Variants in KLHL30 observed in about 807,000 individuals in gnomAD.
KLHL30 encodes kelch like family member 30.
Under a neutral mutation model 55.0 loss-of-function variants are expected in KLHL30, and 55 were observed. That is an observed-to-expected ratio of 1.00 (90% CI 0.80 to 1.25). The LOEUF (loss-of-function observed/expected upper bound fraction) is 1.25. Ranked by LOEUF, KLHL30 falls within the 50% of genes most tolerant of loss-of-function variation. The probability of loss-of-function intolerance (pLI) is 0.00; values close to 1 mark genes in which losing one functional copy is unlikely to be tolerated. For missense variants in KLHL30, 786 were observed against 811.6 expected, an observed-to-expected ratio of 0.97 and a Z score of 0.38; for synonymous variants, 356 against 372.6, an observed-to-expected ratio of 0.96 and a Z score of 0.51.
chr2:238,143,577 C>T (rs532783342), intron 3 of KLHL30, among the ~76,000 whole-genome samples: 199 of 152,342 alleles, frequency 1.3e-3, no homozygotes, highest in African/African-American at 3.9e-3. Flanking sequence ...AGGCCCCCTG[C>T]GCTGGCCCCA....
intron 7 of KLHL30, 121 bp from the exon 8 acceptor site, chr2:238,150,693 A>T: frequency 8.7e-7 from 1 of 1,152,322 alleles, no homozygotes; most frequent in Non-Finnish European, 1.2e-6. Context: ...CATGCCCTGG[A>T]GGGGATCTGG....
chr2:238,150,535 C>T (rs751118445), intron 7 of KLHL30, among the ~76,000 whole-genome samples: 1 of 152,170 alleles, frequency 6.6e-6, no homozygotes, highest in African/African-American at 2.4e-5. Flanking sequence ...CGGACCTCCC[C>T]GGGAGGCCTC....
chr2:238,140,081 C>T (rs1473722008), intron 1 of KLHL30, among the ~76,000 whole-genome samples: 4 of 152,232 alleles, frequency 2.6e-5, no homozygotes, highest in Non-Finnish European at 5.9e-5. Flanking sequence ...AGCTCCACCA[C>T]TTCCTAAATG....
Position 238,143,235 on chromosome 2 carries a change from G to C in KLHL30, c.907+304G>C, listed in dbSNP as rs368850357. Among the ~76,000 whole-genome samples, 64 of 152,374 alleles carry C rather than the reference G, an allele frequency of 4.2e-4. 1 individual carries two copies. In the East Asian group the frequency reaches 0.012, roughly 28 times the overall value. ...CTCCACGGCCAAGACTGCACCCTGTGGGGTGGGCGGCCTGGCCGCTGCCTC... is the reference window on the plus strand; with the variant it reads ...CTCCACGGCCAAGACTGCACCCTGTCGGGTGGGCGGCCTGGCCGCTGCCTC... On this transcript the variant is annotated intron_variant, in intron 3 of 7. Transcript: ENST00000409223.
Position 238,141,077 on chromosome 2 carries a change from G to C in KLHL30, c.323G>C (p.Arg108Pro), listed in dbSNP as rs199604026. ...ITQGNVEALT[R>P]TAARLHFPSV... ...CAGGGCAACGTGGAGGCGCTGACAC[G>C]CACGGCTGCGCGCCTGCACTTCCCC... Residue 108 changes from arginine to proline, a missense_variant, in exon 2 of 8, where the codon CGC (arginine) becomes CCC (proline). Physicochemically the swap from Arg to Pro is moderately radical, Grantham distance 103. Transcript: ENST00000409223. 1.2e-6 allele frequency: 2 copies of C among 1,609,156 alleles called. No individual in the cohort carries two copies. Among genetic ancestry groups the C allele is most frequent in the Non-Finnish European group, 1.7e-6 (2 of 1,177,186 alleles).
Position 238,144,960 on chromosome 2 carries a change from G to A in KLHL30, c.966G>A (p.Ala322=), listed in dbSNP as rs765339660. Residue 322 remains alanine (A), a synonymous_variant, in exon 4 of 8, where the codon GCG becomes GCA. Transcript: ENST00000409223. ...ATCACAAGTGGGGTTTCTCCCTGGC[G>A]GCCCTGAACAACAACATCTATGTCA... ...PDYHKWGFSL[A]ALNNNIYVTG... 28 of 1,609,648 alleles carry A rather than the reference G, an allele frequency of 1.7e-5. No individual in the cohort carries two copies. The highest frequency in any genetic ancestry group is 4.5e-5 in the South Asian group (4 of 89,824).
rs145944413 is a variant in KLHL30, at chr2:238,152,202, C to T, written c.*1137C>T. ...CGGTCTCCCGCCGGATCCAGGCTTCCTCTCCAGGACCAGCCCCTGGGTTCC... is the reference window on the plus strand; with the variant it reads ...CGGTCTCCCGCCGGATCCAGGCTTCTTCTCCAGGACCAGCCCCTGGGTTCC... On this transcript the variant is annotated 3_prime_UTR_variant, in exon 8 of 8. Coordinates refer to ENST00000409223, the MANE Select transcript of KLHL30 (RefSeq NM_198582.4). The T allele has an allele frequency of 3.6e-4, 352 of 985,446 alleles. 6 individuals are homozygous for T. In the East Asian group the frequency reaches 0.029, roughly 81 times the overall value. The allele number at this position is 985,446 out of a possible 1,614,324, so 61.0% of individuals were successfully genotyped here.
At chr2:238,139,179 G>A (rs1692484442) in intron 1 of KLHL30, among the ~76,000 whole-genome samples, 1 of 152,182 alleles carries the variant, frequency 6.6e-6, no homozygotes, top group African/African-American at 2.4e-5. Context: ...CAGGCACCCC[G>A]AGGCCCCCAG....
chr2:238,147,818 C>T lies in KLHL30; in HGVS notation c.1151-16C>T, dbSNP rs780557058. 5 of 1,464,464 alleles carry T rather than the reference C, an allele frequency of 3.4e-6. No homozygotes were observed. The highest frequency in any genetic ancestry group is 1.8e-4 in the Middle Eastern group (1 of 5,420). The allele number at this position is 1,464,464 out of a possible 1,614,324, so 90.7% of individuals were successfully genotyped here. ...CTCCTCCCCAGCCCTGAACTGCCCC[C>T]GCCCTCACCCCACAGGCACCACCCT... On this transcript the variant is annotated splice_polypyrimidine_tract_variant and intron_variant, in intron 5 of 7. Coordinates refer to ENST00000409223, the MANE Select transcript of KLHL30 (RefSeq NM_198582.4). This position sits in a 1 kb window ranked among gnomAD's most constrained non-coding sequence, Gnocchi z 5.8.
Position 238,145,665 on chromosome 2 carries a change from T to C in KLHL30, c.995-12T>C. ...CTGGTGGCACCCATGTAGACAGAAC[T>C]TCTCCCGGCAGGTGGCTCTCGGGGC... On this transcript the variant is annotated splice_polypyrimidine_tract_variant and intron_variant, in intron 4 of 7. Transcript: ENST00000409223. 6.4e-7 allele frequency: 1 copy of C among 1,568,238 alleles called. No homozygotes were observed. The highest frequency in any genetic ancestry group is 8.6e-7 in the Non-Finnish European group (1 of 1,158,320).
At position 238,149,126 on chromosome 2, in the gene KLHL30, G is replaced by A. The variant is rs773304639; in HGVS notation, c.1459G>A (p.Asp487Asn). The change falls in exon 7 of 8, where the codon GAC (aspartate) becomes AAC (asparagine). Residue 487 changes from aspartate (D) to asparagine (N), a missense_variant. Transcript: ENST00000409223. The part of the protein sequence containing the change: ...GDNTKKVYVY[D>N]PGANLWQKVQ... ...CAACACCAAGAAGGTCTACGTGTAC[G>A]ACCCCGGGGCCAACCTGTGGCAGAA... is the stretch of plus-strand genomic sequence containing the variant. 103 of 1,612,820 alleles carry A rather than the reference G, an allele frequency of 6.4e-5. No homozygotes were observed. Among genetic ancestry groups the A allele is most frequent in the Non-Finnish European group, 6.4e-5 (76 of 1,179,834 alleles).
intron 2 of KLHL30, 147 bp downstream of exon 2, chr2:238,141,675 G>A: frequency 1.2e-6 from 1 of 854,214 alleles, no homozygotes; most frequent in Non-Finnish European, 1.7e-6. Context: ...AGTTCCCCAT[G>A]AGGACATCAC....
intron 2 of KLHL30, 41 bp downstream of exon 2, chr2:238,141,569 G>T: frequency 7.0e-7 from 1 of 1,431,612 alleles, no homozygotes; most frequent in African/African-American, 1.4e-5. Context: ...GGGAAGCAGG[G>T]AGGAGAGCCC....
chr2:238,146,261 T>C (rs1394971987), intron 5 of KLHL30, among the ~76,000 whole-genome samples: 2 of 151,572 alleles, frequency 1.3e-5, no homozygotes, highest in Non-Finnish European at 3.0e-5. Flanking sequence ...GCTCCTGTAA[T>C]CTCAGCACTT....
intron 1 of KLHL30, among the ~76,000 whole-genome samples, chr2:238,140,430 G>T (rs535035963): frequency 6.6e-6 from 1 of 152,304 alleles, no homozygotes; most frequent in East Asian, 1.9e-4. Flanking sequence ...GTTCTGCCCT[G>T]AATGCCTGGC....
intron 1 of KLHL30, among the ~76,000 whole-genome samples, chr2:238,139,834 A>G (rs1028446720): frequency 6.6e-6 from 1 of 152,148 alleles, no homozygotes; most frequent in Non-Finnish European, 1.5e-5. Flanking sequence ...CACAGACTTG[A>G]TCTCTCCTAG....
chr2:238,147,721 G>C lies in KLHL30; in HGVS notation c.1151-113G>C. ...CCTCAGCTTCCCTGTCTGTGAAATG[G>C]GGAGCCCACCCCACCTCCCACCACT... On this transcript the variant is annotated intron_variant, in intron 5 of 7. Coordinates refer to ENST00000409223, the MANE Select transcript of KLHL30 (RefSeq NM_198582.4). This position sits in a 1 kb window ranked among gnomAD's most constrained non-coding sequence, Gnocchi z 5.8. 1.7e-6 allele frequency: 1 copy of C among 585,554 alleles called. No individual in the cohort carries two copies. The highest frequency in any genetic ancestry group is 2.7e-6 in the Non-Finnish European group (1 of 375,594). The allele number at this position is 585,554 out of a possible 1,614,324, so 36.3% of individuals were successfully genotyped here. A position where few individuals can be genotyped will look rare whatever the true frequency, so the allele number is the denominator to read the frequency against.
rs1043029799 is a variant in KLHL30 at position 238,141,081 on chromosome 2, G to A, written c.327G>A (p.Thr109=). Residue 109 remains threonine, a synonymous_variant, in exon 2 of 8, where the codon ACG becomes ACA. Coordinates refer to ENST00000409223, the MANE Select transcript of KLHL30 (RefSeq NM_198582.4). ...TQGNVEALTR[T]AARLHFPSVQ... The stretch of plus-strand genomic sequence containing the variant: ...GCAACGTGGAGGCGCTGACACGCAC[G>A]GCTGCGCGCCTGCACTTCCCCTCGG... 5 of 1,608,928 alleles carry A rather than the reference G, an allele frequency of 3.1e-6. No individual in the cohort carries two copies. Among genetic ancestry groups the A allele is most frequent in the South Asian group, 2.2e-5 (2 of 90,938 alleles).
At chr2:238,143,007 G>A (rs1332592293) in intron 3 of KLHL30, 76 bp downstream of exon 3, 8 of 1,430,808 alleles carry the variant, frequency 5.6e-6, no homozygotes, top group South Asian at 1.6e-5. Flanking sequence ...CTCCTTGCAG[G>A]TGGAGCGCAT....
Sources: allele counts gnomAD v4.1 joint callset (sites outside exome capture counted in the v4.1 genomes callset), GRCh38; gene constraint gnomAD v4.1.1; non-coding constraint Gnocchi (gnomAD v3.1); transcripts MANE v1.5; gene names NCBI Gene and HGNC (gene_info 2026-07-23, HGNC 2026-07-21).